The following ENOX1 variants were observed in gnomAD, a reference collection of about 807,000 sequenced individuals.
ENOX1 encodes ecto-NOX disulfide-thiol exchanger 1.
A neutral mutation model predicts 82.5 loss-of-function variants in ENOX1; 42 were observed. That is an observed-to-expected ratio of 0.51 (90% CI 0.40 to 0.66). ENOX1 has a LOEUF of 0.66. Ranked by LOEUF, ENOX1 falls within the 30% of genes least tolerant of loss-of-function variation. The pLI is 0.00. For missense variants in ENOX1, 608 were observed against 811.6 expected (o/e 0.75, Z 3.05); for synonymous variants, 271 against 282.2 (o/e 0.96, Z 0.40).
intron 14 of ENOX1, among the ~76,000 whole-genome samples, chr13:43,249,997 GATA>G (rs1358862960): frequency 2.0e-5 from 3 of 152,174 alleles, no homozygotes. Flanking sequence ...TAATAGTGGT[GATA>G]ATAATACTAA....
intron 1 of ENOX1, among the ~76,000 whole-genome samples, chr13:43,739,749 G>A (rs2089810650): frequency 6.6e-6 from 1 of 151,776 alleles, no homozygotes; most frequent in Non-Finnish European, 1.5e-5. Flanking sequence ...GAGGGAGGAA[G>A]CTGTGTGATA....
chr13:43,683,295 AG>A (rs1323570668), intron 1 of ENOX1, among the ~76,000 whole-genome samples: 14 of 152,018 alleles, frequency 9.2e-5, no homozygotes, highest in African/African-American at 3.4e-4. Context: ...ATGACAAGAG[AG>A]GTAGGGGTTG....
rs117687945 is a variant in ENOX1 at position 43,494,244 on chromosome 13, C to T, written c.-218-10092G>A. ...TCACAATAATCACAATTAACTAATA[C>T]GAAGACCCACAGATACTGTGAGACT... is the stretch of plus-strand genomic sequence containing the variant. On this transcript the variant is annotated intron_variant, in intron 2 of 16. Coordinates refer to ENST00000690772, the MANE Select transcript of ENOX1 (RefSeq NM_001347969.2). Among the ~76,000 whole-genome samples the T allele has an allele frequency of 1.6e-3, 238 of 152,238 alleles. 3 individuals are homozygous for T. The East Asian group carries it at 0.02, about 12-fold the overall frequency.
In ENOX1 at chr13:43,273,009, C is replaced by T. The variant is rs185587393; in HGVS notation, c.1447-3432G>A. 8.5e-4 allele frequency among the ~76,000 whole-genome samples: 130 copies of T among 152,306 alleles called. 1 individual carries two copies. In the South Asian group the frequency reaches 9.1e-3, roughly 11 times the overall value. ...CGCTCTCTCCAGGGGATCCTATTCA[C>T]GCCCATGGCTTTAACTACACATCAC... On this transcript the variant is annotated intron_variant, in intron 12 of 16. Transcript: ENST00000690772.
Position 43,769,523 on chromosome 13 carries a change from T to G in ENOX1, c.-285+17129A>C, listed in dbSNP as rs114806746. Among the ~76,000 whole-genome samples the G allele has an allele frequency of 1.5e-3, 223 of 152,314 alleles. 1 individual carries two copies. Among genetic ancestry groups the G allele is most frequent in the African/African-American group, 5.0e-3 (206 of 41,558 alleles). On this transcript the variant is annotated intron_variant, in intron 1 of 16. Transcript: ENST00000690772. ...GCCATTAGCTCCAAGCACTTTCAATTATGCTTCACTGGTCTTTACATCCTA... is the reference window on the plus strand; with the variant it reads ...GCCATTAGCTCCAAGCACTTTCAATGATGCTTCACTGGTCTTTACATCCTA...
chr13:43,470,297 C>T lies in ENOX1; in HGVS notation c.-75+13712G>A, dbSNP rs866397664. Among the ~76,000 whole-genome samples the T allele has an allele frequency of 4.2e-3, 158 of 37,888 alleles. 9 individuals carry two copies. The highest frequency in any genetic ancestry group is 0.013 in the African/African-American group (142 of 10,836). 24.9% of individuals were successfully genotyped at this position (37,888 alleles called of 152,430 possible). ...ACATATATATACATATATATATACA[C>T]ATATATATACATATATATACACATA... On this transcript the variant is annotated intron_variant, in intron 3 of 16. Coordinates refer to ENST00000690772, the MANE Select transcript of ENOX1 (RefSeq NM_001347969.2).
chr13:43,369,031 C>CTT (rs11425103), intron 5 of ENOX1, among the ~76,000 whole-genome samples: 87 of 150,160 alleles, frequency 5.8e-4, no homozygotes, highest in South Asian at 3.2e-3. Flanking sequence ...ATTGCCCATT[C>CTT]TTTTTTTTTT....
chr13:43,472,943 A>C (rs2058131861), intron 3 of ENOX1, among the ~76,000 whole-genome samples: 2 of 152,240 alleles, frequency 1.3e-5, no homozygotes, highest in African/African-American at 2.4e-5. Flanking sequence ...AAGCAACAGC[A>C]TATTTTCTCA....
intron 3 of ENOX1, among the ~76,000 whole-genome samples, chr13:43,424,011 G>A (rs960626300): frequency 6.6e-6 from 1 of 152,194 alleles, no homozygotes; most frequent in Non-Finnish European, 1.5e-5. Flanking sequence ...AAGGGATAAG[G>A]CCTCTGGGAC....
chr13:43,592,879 A>C (rs1223559202), intron 2 of ENOX1, among the ~76,000 whole-genome samples: 1 of 152,212 alleles, frequency 6.6e-6, no homozygotes, highest in East Asian at 1.9e-4. Context: ...AATTGATCTC[A>C]AGGAGATATT....
intron 2 of ENOX1, among the ~76,000 whole-genome samples, chr13:43,626,349 C>T (rs1335420957): frequency 2.6e-5 from 4 of 151,670 alleles, no homozygotes; most frequent in Admixed American, 6.6e-5. Context: ...TCTTTATCTC[C>T]CTTTTTCTGC....
intron 12 of ENOX1, among the ~76,000 whole-genome samples, chr13:43,285,249 A>C (rs187515913): frequency 6.6e-6 from 1 of 152,296 alleles, no homozygotes; most frequent in Non-Finnish European, 1.5e-5. Flanking sequence ...TAACTGACTA[A>C]GTTTGGCTGT....
In ENOX1 at chr13:43,404,079, C is replaced by T. The variant is rs189609566; in HGVS notation, c.208+7837G>A. On this transcript the variant is annotated intron_variant, in intron 5 of 16. Transcript: ENST00000690772. ...GGACAGCAGCCTTCTAGATACAAAC[C>T]CAGCCTCCCTCCCCTCTTGCCATTC... 1.4e-4 allele frequency among the ~76,000 whole-genome samples: 21 copies of T among 152,192 alleles called. No homozygotes were observed. The East Asian group carries it at 3.9e-3, about 28-fold the overall frequency.
intron 12 of ENOX1, among the ~76,000 whole-genome samples, chr13:43,284,731 T>C (rs2045587907): frequency 6.6e-6 from 1 of 152,102 alleles, no homozygotes; most frequent in African/African-American, 2.4e-5. Context: ...TTCTTTATTT[T>C]CTTCCCCAGT....
At chr13:43,657,572 C>T (rs2084501937) in intron 2 of ENOX1, among the ~76,000 whole-genome samples, 2 of 152,158 alleles carry the variant, frequency 1.3e-5, no homozygotes, top group African/African-American at 4.8e-5. Flanking sequence ...CAGAAAGCAC[C>T]CCTTCACTTT....
At chr13:43,379,882 A>G (rs552559777) in intron 5 of ENOX1, among the ~76,000 whole-genome samples, 4 of 152,096 alleles carry the variant, frequency 2.6e-5, no homozygotes, top group Admixed American at 1.3e-4. Flanking sequence ...CTTAAAATCA[A>G]TGATAAAGAC....
intron 1 of ENOX1, among the ~76,000 whole-genome samples, chr13:43,675,019 A>T (rs1186494938): frequency 6.6e-6 from 1 of 152,222 alleles, no homozygotes; most frequent in Admixed American, 6.5e-5. Context: ...GGCTAGAGTA[A>T]GCCTGGCAGG....
chr13:43,405,308 G>C (rs2053728516), intron 5 of ENOX1, among the ~76,000 whole-genome samples: 1 of 152,154 alleles, frequency 6.6e-6, no homozygotes, highest in Non-Finnish European at 1.5e-5. Flanking sequence ...GAGCATCTGA[G>C]AGCTTCTTCC....
intron 11 of ENOX1, among the ~76,000 whole-genome samples, chr13:43,313,009 T>C (rs1373384549): frequency 6.6e-6 from 1 of 152,208 alleles, no homozygotes; most frequent in Non-Finnish European, 1.5e-5. Flanking sequence ...TCGTTGATTT[T>C]ATTTGGTTAC....
Sources: allele counts gnomAD v4.1 joint callset (sites outside exome capture counted in the v4.1 genomes callset), GRCh38; gene constraint gnomAD v4.1.1; transcripts MANE v1.5; gene names NCBI Gene and HGNC (gene_info 2026-07-23, HGNC 2026-07-21).